Variants in DLGAP3 observed in about 807,000 individuals in gnomAD.
DLGAP3 encodes disks large-associated protein 3.
In DLGAP3, 17 loss-of-function variants were observed where a neutral mutation model predicts 81.2. That is an observed-to-expected ratio of 0.21 (90% CI 0.14 to 0.31). The LOEUF (loss-of-function observed/expected upper bound fraction) is 0.31, where lower values mean the gene tolerates loss of function less well. Among genes scored for constraint, DLGAP3 ranks in the 10% least tolerant of loss-of-function variants. The pLI, the probability that DLGAP3 is intolerant of heterozygous loss-of-function variation, is 1.00. For missense variants in DLGAP3, 1,124 were observed against 1,388.0 expected, an observed-to-expected ratio of 0.81 and a Z score of 3.02; for synonymous variants, 577 against 587.4, an observed-to-expected ratio of 0.98 and a Z score of 0.26.
intron 1 of DLGAP3, among the ~76,000 whole-genome samples, chr1:34,911,016 T>C (rs1453843280): frequency 3.0e-5 from 2 of 67,716 alleles, no homozygotes; most frequent in Non-Finnish European, 7.3e-5. Flanking sequence ...AGGATAGATA[T>C]TATCCACCCC....
intron 5 of DLGAP3, among the ~76,000 whole-genome samples, chr1:34,890,546 C>T (rs1639295855): frequency 1.3e-5 from 2 of 152,340 alleles, no homozygotes; most frequent in South Asian, 4.1e-4. Flanking sequence ...ATCTTAGACA[C>T]CTTTTCTTAT....
At position 34,885,796 on chromosome 1, in the gene DLGAP3, G is replaced by A; in HGVS notation, c.1601-5C>T. 7.1e-7 allele frequency: 1 copy of A among 1,407,596 alleles called. No individual in the cohort carries two copies. The highest frequency in any genetic ancestry group is 9.2e-7 in the Non-Finnish European group (1 of 1,087,250). The allele number at this position is 1,407,596 out of a possible 1,614,324, so 87.2% of individuals were successfully genotyped here. On this transcript the variant is annotated splice_region_variant and splice_polypyrimidine_tract_variant and intron_variant, in intron 6 of 11. Transcript: ENST00000373347. ...GGGCCTTTCTGAAGTTGAAGGCTGT[G>A]GCCGGCGAGCGCAGAGACGCAGTGG...
intron 1 of DLGAP3, among the ~76,000 whole-genome samples, chr1:34,913,963 T>C (rs1461897316): frequency 6.6e-6 from 1 of 152,148 alleles, no homozygotes; most frequent in Admixed American, 6.5e-5. Context: ...TCCCTCTGCA[T>C]AGCTCAGGGA....
rs750127207 is a variant in DLGAP3 at position 34,868,852 on chromosome 1, C to G, written c.2238G>C (p.Pro746=). ...ACCCATCGGTGGCCGGCGGCTCGTA[C>G]GGCAGTGGGTAGCCCTCGCGGTAGG... The part of the protein sequence containing the change: ...QWAYREGYPL[P]YEPPATDGSP... The change falls in exon 9 of 12, where the codon CCG becomes CCC. Residue 746 remains proline, a synonymous_variant. Transcript: ENST00000373347. The surrounding 1 kb of genome is among the most constrained non-coding windows in gnomAD (Gnocchi z 7.5). 3 of 1,586,788 alleles carry G rather than the reference C, an allele frequency of 1.9e-6. No homozygotes were observed. The highest frequency in any genetic ancestry group is 1.3e-5 in the African/African-American group (1 of 74,532).
chr1:34,911,022 A>AC (rs58074971), intron 1 of DLGAP3, among the ~76,000 whole-genome samples: 16,888 of 131,192 alleles, frequency 0.13, 1,595 homozygotes, highest in East Asian at 0.25. Flanking sequence ...GATATTATCC[A>AC]CCCCCCCCCC....
At chr1:34,922,792 T>G (rs1186902742) in intron 1 of DLGAP3, among the ~76,000 whole-genome samples, 1 of 152,152 alleles carries the variant, frequency 6.6e-6, no homozygotes, top group Non-Finnish European at 1.5e-5. Flanking sequence ...CTCCCCTGGC[T>G]TCTATCCTTC....
In DLGAP3 at chr1:34,902,951, T is replaced by A. The variant is rs1639485930; in HGVS notation, c.1107+1326A>T. ...CAGTTCCCAGCTTAGAGCACCTCCC[T>A]ACCCAGGGAGGGGGCAAACCAGGCC... is the stretch of plus-strand genomic sequence containing the variant. On this transcript the variant is annotated intron_variant, in intron 3 of 11. Coordinates refer to ENST00000373347, the MANE Select transcript of DLGAP3 (RefSeq NM_001080418.3). This position sits in a 1 kb window ranked among gnomAD's most constrained non-coding sequence, Gnocchi z 4.4. Among the ~76,000 whole-genome samples, 1 of 152,146 alleles carries A rather than the reference T, an allele frequency of 6.6e-6. No homozygotes were observed. The highest frequency in any genetic ancestry group is 1.9e-4 in the East Asian group (1 of 5,154).
chr1:34,911,797 G>A (rs545498380), intron 1 of DLGAP3, among the ~76,000 whole-genome samples: 2 of 152,344 alleles, frequency 1.3e-5, no homozygotes, highest in Admixed American at 6.5e-5. Flanking sequence ...AATTCGCCAG[G>A]AGGTTGTCAC....
chr1:34,903,395 G>A lies in DLGAP3; in HGVS notation c.1107+882C>T, dbSNP rs571852640. ...TTTGTATCCACAGCACCCAGAAAAC[G>A]CTCATTGAATAAATAGATCTGTATC... On this transcript the variant is annotated intron_variant, in intron 3 of 11. Coordinates refer to ENST00000373347, the MANE Select transcript of DLGAP3 (RefSeq NM_001080418.3). Among the ~76,000 whole-genome samples the A allele has an allele frequency of 2.6e-5, 4 of 152,272 alleles. No homozygotes were observed. The Middle Eastern group carries it at 0.01, about 388-fold the overall frequency.
chr1:34,889,545 T>G (rs1639283135), intron 5 of DLGAP3, among the ~76,000 whole-genome samples: 1 of 152,174 alleles, frequency 6.6e-6, no homozygotes, highest in South Asian at 2.1e-4. Flanking sequence ...CAAACCAGAC[T>G]GGAATCAGTA....
At position 34,905,362 on chromosome 1, in the gene DLGAP3, G is replaced by A. The variant is rs1380796183; in HGVS notation, c.22C>T (p.Arg8Ter). Reference sequence around the variant, plus strand: ...CGGGCTGGGCGGGGATGGCTGCCTCGGTCGCCATGGTAACCCCTCATGGCC... The same window carrying A: ...CGGGCTGGGCGGGGATGGCTGCCTCAGTCGCCATGGTAACCCCTCATGGCC... The part of the protein sequence containing the change: MRGYHGD[R>*]GSHPRPARFA... The change falls in exon 3 of 12, where the codon CGA (arginine) becomes TGA (stop). Residue 8 changes from arginine (R) to a stop codon, truncating the protein, a stop_gained. Coordinates refer to ENST00000373347, the MANE Select transcript of DLGAP3 (RefSeq NM_001080418.3). LOFTEE classifies it high-confidence loss of function. The A allele has an allele frequency of 1.9e-6, 3 of 1,554,622 alleles. No homozygotes were observed. The highest frequency in any genetic ancestry group is 1.2e-5 in the South Asian group (1 of 84,348).
At position 34,872,961 on chromosome 1, in the gene DLGAP3, C is replaced by T. The variant is rs187500316; in HGVS notation, c.2001-3872G>A. Reference sequence around the variant, plus strand: ...TTTCAGCAGGAATACAACATTAACACAACCTGTAAAGAGAAATGAAATGAA... The same window carrying T: ...TTTCAGCAGGAATACAACATTAACATAACCTGTAAAGAGAAATGAAATGAA... On this transcript the variant is annotated intron_variant, in intron 8 of 11. Transcript: ENST00000373347. Among the ~76,000 whole-genome samples the T allele has an allele frequency of 5.9e-5, 9 of 152,278 alleles. No individual in the cohort carries two copies. The East Asian group carries it at 1.3e-3, about 23-fold the overall frequency.
Position 34,904,630 on chromosome 1 carries a change from G to A in DLGAP3, c.754C>T (p.Arg252Trp), listed in dbSNP as rs779134886. Residue 252 changes from arginine (R) to tryptophan (W), a missense_variant, in exon 3 of 12, where the codon CGG becomes TGG. Arg to Trp is a moderately radical substitution (Grantham distance 101, BLOSUM62 -3). Coordinates refer to ENST00000373347, the MANE Select transcript of DLGAP3 (RefSeq NM_001080418.3). The surrounding 1 kb of genome is among the most constrained non-coding windows in gnomAD (Gnocchi z 8.1). ...CAGCCTGTGGACTTGGCCTGGTGCC[G>A]CCCATCCCCCTTGCGGTCCTTGCTC... is the stretch of plus-strand genomic sequence containing the variant. ...SKSKDRKGDG[R>W]HQAKSTGWWS... 47 of 1,614,024 alleles carry A rather than the reference G, an allele frequency of 2.9e-5. No homozygotes were observed. The highest frequency in any genetic ancestry group is 3.5e-5 in the Non-Finnish European group (41 of 1,180,034).
chr1:34,880,544 A>G (rs1324841556), intron 8 of DLGAP3, among the ~76,000 whole-genome samples: 1 of 152,106 alleles, frequency 6.6e-6, no homozygotes, highest in African/African-American at 2.4e-5. Flanking sequence ...CAGCCTAGTC[A>G]ACATGGTGAA....
intron 8 of DLGAP3, among the ~76,000 whole-genome samples, chr1:34,878,016 A>C (rs1178373824): frequency 6.6e-6 from 1 of 152,242 alleles, no homozygotes; most frequent in East Asian, 1.9e-4. Context: ...TATAAGCAAC[A>C]CATATAGGCC....
At chr1:34,881,385 G>C (rs932979785) in intron 8 of DLGAP3, among the ~76,000 whole-genome samples, 1 of 152,182 alleles carries the variant, frequency 6.6e-6, no homozygotes, top group Non-Finnish European at 1.5e-5. Flanking sequence ...CATGTGATGA[G>C]ATTTTAGCCA....
intron 6 of DLGAP3, 83 bp from the exon 7 acceptor site, chr1:34,885,874 C>G (rs999036790): frequency 5.6e-6 from 7 of 1,242,208 alleles, no homozygotes; most frequent in Non-Finnish European, 7.5e-6. Flanking sequence ...CTCCCACCCT[C>G]AAGAGGCCCT....
In DLGAP3 at chr1:34,893,089, G is replaced by A. The variant is rs915282652; in HGVS notation, c.1386+6580C>T. ...CGGGAGGCTGAGGCAGGAGAATGGC[G>A]TGAACCCGGGAAGCGGAGCTTGCAG... On this transcript the variant is annotated intron_variant, in intron 5 of 11. Coordinates refer to ENST00000373347, the MANE Select transcript of DLGAP3 (RefSeq NM_001080418.3). Among the ~76,000 whole-genome samples the A allele has an allele frequency of 8.3e-4, 125 of 151,072 alleles. 1 individual carries two copies. Among genetic ancestry groups the A allele is most frequent in the African/African-American group, 2.7e-3 (111 of 41,218 alleles).
intron 1 of DLGAP3, among the ~76,000 whole-genome samples, chr1:34,916,681 ATTTTATTTTATTTTATTTTAT>A (rs1267377471): frequency 1.4e-5 from 2 of 144,834 alleles, no homozygotes; most frequent in East Asian, 2.1e-4. Flanking sequence ...ATTTTATTTT[ATTTTATTTTATTTTATTTTAT>A]TTTATTTATT....
Sources: gnomAD v4.1 joint callset for allele counts (sites outside exome capture counted in the v4.1 genomes callset) on GRCh38, gnomAD v4.1.1 for gene constraint, Gnocchi (gnomAD v3.1) non-coding constraint, MANE v1.5 for transcripts, NCBI Gene and HGNC (gene_info 2026-07-23, HGNC 2026-07-21) for gene names.